The following DLGAP2 variants were observed in gnomAD, a reference collection of about 807,000 sequenced individuals.
The protein encoded by DLGAP2 is DLG associated protein 2, also known as disks large-associated protein 2.
DLGAP2 carries 26 observed loss-of-function variants against 100.3 expected under a neutral mutation model. That is an observed-to-expected ratio of 0.26 (90% CI 0.19 to 0.36). The LOEUF is 0.36. DLGAP2 is among the 10% of genes least tolerant of loss of function. The pLI is 1.00. For synonymous variants in DLGAP2, 886 were observed against 630.1 expected, an observed-to-expected ratio of 1.41 and a Z score of -6.08; for missense variants, 1,858 against 1,453.2, an observed-to-expected ratio of 1.28 and a Z score of -4.53.
rs1799972969 is a variant in DLGAP2 at position 1,287,742 on chromosome 8, GGGAACT to G, written c.106+28860_106+28865del. On this transcript the variant is annotated intron_variant, in intron 3 of 14. Transcript: ENST00000637795. ...GTGTATGTGTGTGTGGTTCTGTTAG[GGGAACT>G]AGTTTTGGTTCAGCGTGTGTGTGTG... Among the ~76,000 whole-genome samples, 802 of 93,466 alleles carry G rather than the reference GGGAACT, an allele frequency of 8.6e-3. 7 individuals carry two copies. Among genetic ancestry groups the G allele is most frequent in the South Asian group, 0.017 (43 of 2,486 alleles). The allele number at this position is 93,466 out of a possible 152,430, so 61.3% of individuals were successfully genotyped here.
intron 1 of DLGAP2, among the ~76,000 whole-genome samples, chr8:775,112 T>A (rs1821478775): frequency 6.6e-6 from 1 of 152,194 alleles, no homozygotes; most frequent in Non-Finnish European, 1.5e-5. Flanking sequence ...TTTGAAGCAA[T>A]TGTGAATGGG....
intron 1 of DLGAP2, among the ~76,000 whole-genome samples, chr8:856,187 T>TCTTC (rs1554433991): frequency 1.9e-5 from 1 of 51,592 alleles, no homozygotes; most frequent in East Asian, 1.2e-3. Flanking sequence ...TTCTTCTTCT[T>TCTTC]TTTTTTTTTT....
At chr8:1,207,044 C>T (rs1405470374) in intron 2 of DLGAP2, among the ~76,000 whole-genome samples, 8 of 152,342 alleles carry the variant, frequency 5.3e-5, no homozygotes, top group Admixed American at 5.2e-4. Flanking sequence ...TTCACCCTCT[C>T]CATTCCTAGA....
chr8:1,113,426 G>A (rs962832785), intron 2 of DLGAP2, among the ~76,000 whole-genome samples: 2 of 152,092 alleles, frequency 1.3e-5, no homozygotes, highest in Non-Finnish European at 2.9e-5. Context: ...TCCCTTGTCA[G>A]CTGCATTCCT....
At chr8:821,054 G>A (rs1050784448) in intron 1 of DLGAP2, among the ~76,000 whole-genome samples, 8 of 152,140 alleles carry the variant, frequency 5.3e-5, no homozygotes, top group Admixed American at 2.6e-4. Context: ...GGAAACCAAC[G>A]GTTGATTTTC....
intron 2 of DLGAP2, among the ~76,000 whole-genome samples, chr8:1,021,864 C>T (rs186116491): frequency 9.7e-4 from 148 of 152,250 alleles, no homozygotes; most frequent in African/African-American, 3.1e-3. Context: ...ACGTGTTCCT[C>T]TCCCTGGGCT....
chr8:1,197,891 C>T (rs1473744240), intron 2 of DLGAP2, among the ~76,000 whole-genome samples: 1 of 152,200 alleles, frequency 6.6e-6, no homozygotes, highest in African/African-American at 2.4e-5. Flanking sequence ...AGTGTTTCCT[C>T]TCATGGGGAA....
At chr8:975,507 G>A (rs1190954933) in intron 2 of DLGAP2, among the ~76,000 whole-genome samples, 2 of 152,142 alleles carry the variant, frequency 1.3e-5, no homozygotes, top group Admixed American at 6.5e-5. Context: ...AGCAAAGTAT[G>A]AGGGAATCAA....
chr8:1,382,291 G>A (rs1329562087), intron 3 of DLGAP2, among the ~76,000 whole-genome samples: 1 of 152,194 alleles, frequency 6.6e-6, no homozygotes, highest in Admixed American at 6.5e-5. Context: ...CTTCATCCCC[G>A]TCTTCACGTT....
intron 2 of DLGAP2, among the ~76,000 whole-genome samples, chr8:1,110,493 G>A (rs1424428304): frequency 6.6e-6 from 1 of 151,222 alleles, no homozygotes; most frequent in Non-Finnish European, 1.5e-5. Context: ...CTCGGTCTGT[G>A]ATGTGTGCAC....
intron 1 of DLGAP2, among the ~76,000 whole-genome samples, chr8:749,233 C>T (rs1820728785): frequency 6.6e-6 from 1 of 152,172 alleles, no homozygotes; most frequent in Middle Eastern, 3.2e-3. Flanking sequence ...TCAAGCAGTC[C>T]CCCTGCCTCG....
At chr8:972,926 C>T (rs1050246518) in intron 2 of DLGAP2, among the ~76,000 whole-genome samples, 3 of 152,148 alleles carry the variant, frequency 2.0e-5, no homozygotes, top group African/African-American at 2.4e-5. Flanking sequence ...CAGAGACCAC[C>T]GTGTTGGGGG....
chr8:1,070,084 C>T (rs924433411), intron 2 of DLGAP2, among the ~76,000 whole-genome samples: 11 of 152,312 alleles, frequency 7.2e-5, no homozygotes, highest in Admixed American at 2.0e-4. Context: ...CAAATCACTA[C>T]GCTACTTCCT....
chr8:1,594,996 C>G (rs965012091), intron 6 of DLGAP2, among the ~76,000 whole-genome samples: 5 of 152,066 alleles, frequency 3.3e-5, no homozygotes, highest in African/African-American at 1.2e-4. Context: ...CATCTTGAAT[C>G]CATACACACT....
intron 2 of DLGAP2, among the ~76,000 whole-genome samples, chr8:1,006,064 C>T (rs1234398300): frequency 1.3e-5 from 2 of 152,108 alleles, no homozygotes; most frequent in African/African-American, 2.4e-5. Context: ...TGGCGGGCAC[C>T]TGTAATCACA....
chr8:948,978 TGAG>T (rs1799405450), intron 2 of DLGAP2, among the ~76,000 whole-genome samples: 1 of 148,666 alleles, frequency 6.7e-6, no homozygotes, highest in Non-Finnish European at 1.5e-5. Flanking sequence ...GCCGCCATCT[TGAG>T]GAGTCGCCGG....
intron 3 of DLGAP2, among the ~76,000 whole-genome samples, chr8:1,447,127 A>C (rs977590623): frequency 6.6e-6 from 1 of 152,178 alleles, no homozygotes; most frequent in Admixed American, 6.5e-5. Flanking sequence ...TTCCAGCACT[A>C]GGTTGAATAG....
Position 1,705,717 on chromosome 8 carries a change from A to T in DLGAP2, c.*4311A>T, listed in dbSNP as rs1563074539. On this transcript the variant is annotated 3_prime_UTR_variant, in exon 15 of 15. Transcript: ENST00000637795. ...CCTCTTCTTCTCAAGCCTGAACTTCATTTTTTTTTTTAGCTGCAAATTTAA... is the reference window on the plus strand; with the variant it reads ...CCTCTTCTTCTCAAGCCTGAACTTCTTTTTTTTTTTTAGCTGCAAATTTAA... 2 of 146,344 alleles carry T rather than the reference A, an allele frequency of 1.4e-5. No individual in the cohort carries two copies. Among genetic ancestry groups the T allele is most frequent in the East Asian group, 4.0e-4 (2 of 5,008 alleles). 9.1% of individuals were successfully genotyped at this position (146,344 alleles called of 1,614,324 possible). A position where few individuals can be genotyped will look rare whatever the true frequency, so the allele number is the denominator to read the frequency against.
At chr8:1,315,032 G>A (rs746016086) in intron 3 of DLGAP2, among the ~76,000 whole-genome samples, 5 of 152,202 alleles carry the variant, frequency 3.3e-5, no homozygotes, top group African/African-American at 4.8e-5. Context: ...CCAGAACACC[G>A]CTCCGTGGCG....
Sources: gnomAD v4.1 joint callset for allele counts (sites outside exome capture counted in the v4.1 genomes callset) on GRCh38, gnomAD v4.1.1 for gene constraint, MANE v1.5 for transcripts, NCBI Gene and HGNC (gene_info 2026-07-23, HGNC 2026-07-21) for gene names.